COL6A5: variants seen among roughly 807,000 people sequenced by gnomAD.
The protein encoded by COL6A5 is collagen alpha-5(VI) chain.
COL6A5 carries 48 observed loss-of-function variants against 65.6 expected under a neutral mutation model. The observed-to-expected ratio is 0.73, with a 90% CI of 0.58 to 0.93. The LOEUF (loss-of-function observed/expected upper bound fraction) is 0.93, where lower values mean the gene tolerates loss of function less well. Ranked by LOEUF, COL6A5 falls within the 40% of genes least tolerant of loss-of-function variation. The pLI is 0.00. For synonymous variants in COL6A5, 291 were observed against 322.8 expected, an observed-to-expected ratio of 0.90 and a Z score of 1.05; for missense variants, 914 against 928.3, an observed-to-expected ratio of 0.98 and a Z score of 0.20.
intron 4 of COL6A5, among the ~76,000 whole-genome samples, chr3:130,450,924 G>A (rs1235362639): frequency 4.6e-5 from 7 of 152,116 alleles, no homozygotes; most frequent in Admixed American, 6.5e-5. Flanking sequence ...CCATTACTTC[G>A]ATTTAGCTGA....
Position 130,423,822 on chromosome 3 carries a change from A to T in COL6A5, c.5101-16A>T, listed in dbSNP as rs1207969282. ...ACAGTGTTGAAACTAATGTATTAAT[A>T]TATTCCTATCTGCAGCTCACTGTAG... On this transcript the variant is annotated splice_polypyrimidine_tract_variant and intron_variant and NMD_transcript_variant, in intron 28 of 41. Transcript: ENST00000312481. 1 of 1,543,568 alleles carries T rather than the reference A, an allele frequency of 6.5e-7. No homozygotes were observed. Among genetic ancestry groups the T allele is most frequent in the East Asian group, 2.4e-5 (1 of 40,856 alleles).
At chr3:130,464,234 C>T (rs1029126392) in intron 5 of COL6A5, among the ~76,000 whole-genome samples, 3 of 151,910 alleles carry the variant, frequency 2.0e-5, no homozygotes, top group African/African-American at 7.3e-5. Context: ...TGGGTTCAAG[C>T]GATCCTCCTG....
chr3:130,482,418 AC>A (rs1710273501), intron 7 of COL6A5, among the ~76,000 whole-genome samples: 1 of 152,150 alleles, frequency 6.6e-6, no homozygotes, highest in Non-Finnish European at 1.5e-5. Flanking sequence ...CTGTGTTGAT[AC>A]CAATACCATG....
At chr3:130,385,818 A>G (rs1936167965) in intron 5 of COL6A5, among the ~76,000 whole-genome samples, 1 of 152,060 alleles carries the variant, frequency 6.6e-6, no homozygotes, top group Non-Finnish European at 1.5e-5. Context: ...TGAGCCTGGA[A>G]CATTGTCATT....
At chr3:130,483,061 G>A (rs1710289600) in intron 7 of COL6A5, among the ~76,000 whole-genome samples, 1 of 152,054 alleles carries the variant, frequency 6.6e-6, no homozygotes, top group African/African-American at 2.4e-5. Flanking sequence ...AAGAGAGTGG[G>A]GGCCAATATT....
upstream of COL6A5, among the ~76,000 whole-genome samples, chr3:130,426,685 C>G (rs1937609793): frequency 6.6e-6 from 1 of 152,072 alleles, no homozygotes; most frequent in Non-Finnish European, 1.5e-5. Context: ...TGAATTAACT[C>G]ACATTAGTAT....
At chr3:130,384,768 G>A (rs1170227275) in intron 4 of COL6A5, 36 bp from the exon 5 acceptor site, 2 of 1,461,024 alleles carry the variant, frequency 1.4e-6, no homozygotes, top group Admixed American at 2.5e-5. Flanking sequence ...TTCTCTCTAG[G>A]TTCTCTAATT....
intron 5 of COL6A5, among the ~76,000 whole-genome samples, chr3:130,459,682 C>A (rs1709660710): frequency 6.6e-6 from 1 of 152,028 alleles, no homozygotes; most frequent in South Asian, 2.1e-4. Flanking sequence ...TACTTCTACA[C>A]CCTGTCTGCT....
exon 7 of COL6A5, chr3:130,391,585 G>A (rs1193370210): frequency 6.4e-7 from 1 of 1,551,690 alleles, no homozygotes; most frequent in Non-Finnish European, 8.7e-7. Flanking sequence ...CATTGGAACT[G>A]AGAAACAAAG....
chr3:130,471,600 T>C (rs759616024), intron 7 of COL6A5, 82 bp from the exon 40 acceptor site: 52 of 1,272,332 alleles, frequency 4.1e-5, no homozygotes, highest in Non-Finnish European at 5.6e-5. Context: ...GGATTCCTCT[T>C]ATATTATCTG....
upstream of COL6A5, chr3:130,431,392 T>C: frequency 1.3e-6 from 2 of 1,504,932 alleles, no homozygotes; most frequent in Non-Finnish European, 1.8e-6. Context: ...ACCCACTTCA[T>C]TGGAGTAAAG....
At chr3:130,367,394 A>G (rs2107628317) in intron 1 of COL6A5, among the ~76,000 whole-genome samples, 1 of 152,262 alleles carries the variant, frequency 6.6e-6, no homozygotes, top group East Asian at 1.9e-4. Flanking sequence ...ATTTGAAATA[A>G]TACCTCATCC....
chr3:130,366,013 C>A (rs1427708980), intron 1 of COL6A5, among the ~76,000 whole-genome samples: 1 of 152,206 alleles, frequency 6.6e-6, no homozygotes, highest in Non-Finnish European at 1.5e-5. Context: ...AGGCACGCAA[C>A]CAGACCCCAT....
Position 130,395,886 on chromosome 3 carries a change from C to CGTGTGTGTGT in COL6A5, c.3568+432_3568+441dup, listed in dbSNP as rs10590917. Among the ~76,000 whole-genome samples the CGTGTGTGTGT allele has an allele frequency of 2.7e-5, 4 of 150,294 alleles. No individual in the cohort carries two copies. In the East Asian group the frequency reaches 7.8e-4, roughly 29 times the overall value. ...TTGTTAAGCCATCTTGTAAGGGACT[C>CGTGTGTGTGT]GTGTGTGTGTGTGTGTGTGTATGTG... On this transcript the variant is annotated intron_variant and NMD_transcript_variant, in intron 8 of 41. Coordinates refer to the COL6A5 transcript ENST00000312481.
At chr3:130,430,805 A>G (rs891609110), upstream of COL6A5, among the ~76,000 whole-genome samples, 6 of 152,184 alleles carry the variant, frequency 3.9e-5, no homozygotes, top group African/African-American at 1.4e-4. Context: ...CTCATTAAGA[A>G]TAATCTTTAC....
chr3:130,354,519 A>G (rs979927888), intron 1 of COL6A5, among the ~76,000 whole-genome samples: 1 of 152,208 alleles, frequency 6.6e-6, no homozygotes, highest in African/African-American at 2.4e-5. Flanking sequence ...TTAAAAATGC[A>G]GAACTCAGGG....
intron 1 of COL6A5, among the ~76,000 whole-genome samples, chr3:130,369,736 G>A (rs1396603220): frequency 6.6e-6 from 1 of 152,142 alleles, no homozygotes; most frequent in Non-Finnish European, 1.5e-5. Flanking sequence ...GCAGTGGCTA[G>A]GGAGCTTTAG....
At chr3:130,359,625 G>T (rs1183225657) in intron 1 of COL6A5, among the ~76,000 whole-genome samples, 1 of 151,998 alleles carries the variant, frequency 6.6e-6, no homozygotes, top group East Asian at 1.9e-4. Flanking sequence ...AGGACCTACA[G>T]CAAAAATAAT....
intron 25 of COL6A5, 62 bp from the exon 26 acceptor site, chr3:130,421,090 CA>C: frequency 7.0e-7 from 1 of 1,431,526 alleles, no homozygotes; most frequent in Non-Finnish European, 9.6e-7. Flanking sequence ...GTAATCTCCC[CA>C]GTATAGATTA....
Sources: allele counts gnomAD v4.1 joint callset (sites outside exome capture counted in the v4.1 genomes callset), GRCh38; gene constraint gnomAD v4.1.1; transcripts MANE v1.5; gene names NCBI Gene and HGNC (gene_info 2026-07-23, HGNC 2026-07-21).